The following ARMC2 variants were observed in gnomAD, a reference collection of about 807,000 sequenced individuals.
The protein encoded by ARMC2 is armadillo repeat containing 2, also known as armadillo repeat-containing protein 2.
ARMC2 carries 67 observed loss-of-function variants against 90.3 expected under a neutral mutation model. That is an observed-to-expected ratio of 0.74 (90% CI 0.61 to 0.91). The LOEUF (loss-of-function observed/expected upper bound fraction) is 0.91. ARMC2 is among the 40% of genes least tolerant of loss of function. ARMC2 has a pLI of 0.00. For missense variants in ARMC2, 920 were observed against 1,030.9 expected, an observed-to-expected ratio of 0.89 and a Z score of 1.47; for synonymous variants, 393 against 393.0, an observed-to-expected ratio of 1.00 and a Z score of 0.00.
At chr6:108,862,838 C>T (rs751216164) in intron 3 of ARMC2, among the ~76,000 whole-genome samples, 6 of 152,208 alleles carry the variant, frequency 3.9e-5, no homozygotes, top group Non-Finnish European at 5.9e-5. Flanking sequence ...ACAAGTCCTC[C>T]ACCAGCAGTC....
chr6:108,987,504 T>C, the ARMC2 span: 1 of 1,148,546 alleles, frequency 8.7e-7, no homozygotes, highest in Non-Finnish European at 1.3e-6. Flanking sequence ...AGACTATATC[T>C]GCTGATCATT....
At chr6:109,003,727 A>G in the ARMC2 span, among the ~76,000 whole-genome samples, 1 of 152,222 alleles carries the variant, frequency 6.6e-6, no homozygotes. Context: ...ACATCCTGTA[A>G]TGAATGCCAG....
intron 5 of ARMC2, 86 bp downstream of exon 5, chr6:108,876,436 T>C: frequency 7.1e-7 from 1 of 1,414,182 alleles, no homozygotes. Flanking sequence ...ATGATTGGTT[T>C]GCTTTTTCTC....
At chr6:108,918,832 G>C (rs1774260551) in intron 10 of ARMC2, among the ~76,000 whole-genome samples, 1 of 152,212 alleles carries the variant, frequency 6.6e-6, no homozygotes, top group Admixed American at 6.5e-5. Flanking sequence ...CACATAGTAG[G>C]CACTCACCAG....
chr6:109,007,962 G>T, the ARMC2 span, among the ~76,000 whole-genome samples: 1 of 152,032 alleles, frequency 6.6e-6, no homozygotes, highest in Non-Finnish European at 1.5e-5. Flanking sequence ...CTATTTGAAA[G>T]AATTGTGTTA....
intron 12 of ARMC2, among the ~76,000 whole-genome samples, chr6:108,952,350 A>G (rs1475229537): frequency 2.0e-5 from 3 of 152,256 alleles, no homozygotes; most frequent in Non-Finnish European, 4.4e-5. Flanking sequence ...TAAAACGGGT[A>G]TGCACAATTT....
At chr6:108,915,360 G>A (rs1183081376) in intron 10 of ARMC2, among the ~76,000 whole-genome samples, 2 of 152,060 alleles carry the variant, frequency 1.3e-5, no homozygotes, top group Non-Finnish European at 2.9e-5. Context: ...AGAACATGAC[G>A]AGGGCCAAAA....
intron 11 of ARMC2, among the ~76,000 whole-genome samples, chr6:108,931,857 AG>A (rs1943229480): frequency 6.6e-6 from 1 of 151,470 alleles, no homozygotes; most frequent in South Asian, 2.1e-4. Flanking sequence ...TCTGCCTCCC[AG>A]GTTCAAGCAA....
chr6:108,931,920 T>C (rs2145764), intron 11 of ARMC2, among the ~76,000 whole-genome samples: 38,119 of 151,524 alleles, frequency 0.25, 5,238 homozygotes, highest in East Asian at 0.4. Flanking sequence ...TGCACCACCA[T>C]ACCCAGCTAA....
At chr6:109,002,449 T>C in the ARMC2 span, 1 of 828,268 alleles carries the variant, frequency 1.2e-6, no homozygotes, top group Non-Finnish European at 2.0e-6. Flanking sequence ...GACAGGCTTG[T>C]TTTGATGGTT....
chr6:108,848,907 GC>G (rs1324639024), intron 1 of ARMC2: 2 of 152,268 alleles, frequency 1.3e-5, no homozygotes, highest in African/African-American at 4.8e-5. Context: ...GACGATGAGT[GC>G]CCTGTGCATG....
At chr6:108,895,430 G>A (rs1771498648) in intron 6 of ARMC2, among the ~76,000 whole-genome samples, 1 of 142,742 alleles carries the variant, frequency 7.0e-6, no homozygotes, top group African/African-American at 2.6e-5. Flanking sequence ...TTTGCAGTGA[G>A]TCTAGACCAC....
At chr6:108,912,243 G>A (rs1447836174) in intron 9 of ARMC2, 92 bp from the exon 10 acceptor site, 11 of 863,724 alleles carry the variant, frequency 1.3e-5, no homozygotes, top group Admixed American at 9.1e-5. Flanking sequence ...TATATTTTAC[G>A]AAGTGTATTT....
intron 3 of ARMC2, among the ~76,000 whole-genome samples, chr6:108,862,342 C>CAAAAAAAAAAAAAAA (rs71551359): frequency 2.7e-5 from 1 of 36,582 alleles, no homozygotes; most frequent in Non-Finnish European, 5.2e-5. Flanking sequence ...AGACTCATCT[C>CAAAAAAAAAAAAAAA]AAAAAAAAAA....
chr6:108,980,212 C>G, the ARMC2 span, among the ~76,000 whole-genome samples: 7,649 of 152,112 alleles, frequency 0.05, 267 homozygotes, highest in Non-Finnish European at 0.076. Context: ...TGATACTATT[C>G]CTTTCTGTTT....
chr6:108,998,561 GC>G, the ARMC2 span: 1 of 1,613,856 alleles, frequency 6.2e-7, no homozygotes, highest in Non-Finnish European at 8.5e-7. Flanking sequence ...CACTGTGATT[GC>G]CATTTGTAAT....
Position 108,928,030 on chromosome 6 carries a change from T to G in ARMC2, c.1351-58T>G, listed in dbSNP as rs963224633. On this transcript the variant is annotated intron_variant, in intron 10 of 17. Transcript: ENST00000392644. ...ATGAAATGAATTGTACTATGCTGTT[T>G]CGTGTGGTTATATTTTTTCAGTTCA... is the stretch of plus-strand genomic sequence containing the variant. 4 of 1,510,314 alleles carry G rather than the reference T, an allele frequency of 2.6e-6. No individual in the cohort carries two copies. The African/African-American group carries it at 4.2e-5, about 16-fold the overall frequency. 93.6% of individuals were successfully genotyped at this position (1,510,314 alleles called of 1,614,324 possible).
rs552738573 is a variant in ARMC2, at chr6:108,858,098, G to T, written c.219-101G>T. ...TGTTTTTCCTCATGGTTTATGCATT[G>T]CATCCTTTTACTTGTTTTTTAGCTA... On this transcript the variant is annotated intron_variant, in intron 2 of 17. Transcript: ENST00000392644. The T allele has an allele frequency of 2.0e-3, 1,650 of 823,334 alleles. 7 individuals are homozygous for T. Among genetic ancestry groups the T allele is most frequent in the Non-Finnish European group, 1.6e-3 (868 of 535,010 alleles). The allele number at this position is 823,334 out of a possible 1,614,324, so 51.0% of individuals were successfully genotyped here.
chr6:109,035,449 T>G, the ARMC2 span, among the ~76,000 whole-genome samples: 1 of 151,568 alleles, frequency 6.6e-6, no homozygotes. Flanking sequence ...AAAGCTGACA[T>G]ATGGAGTAGG....
Sources: gnomAD v4.1 joint callset for allele counts (sites outside exome capture counted in the v4.1 genomes callset) on GRCh38, gnomAD v4.1.1 for gene constraint, MANE v1.5 for transcripts, NCBI Gene and HGNC (gene_info 2026-07-23, HGNC 2026-07-21) for gene names.